PLCB1: variants seen among roughly 807,000 people sequenced by gnomAD.
The protein encoded by PLCB1 is 1-phosphatidylinositol 4,5-bisphosphate phosphodiesterase beta-1.
A neutral mutation model predicts 161.8 loss-of-function variants in PLCB1; 46 were observed. The ratio of observed to expected loss-of-function variants is 0.28; its 90% CI spans 0.22 to 0.36. The LOEUF (loss-of-function observed/expected upper bound fraction) is 0.36. Among genes scored for constraint, PLCB1 ranks in the 10% least tolerant of loss-of-function variants. The pLI is 1.00. For synonymous variants in PLCB1, 517 were observed against 503.7 expected (o/e 1.03, Z -0.35); for missense variants, 1,016 against 1,472.5 (o/e 0.69, Z 5.07).
At position 8,498,189 on chromosome 20, in the gene PLCB1, C is replaced by T. The variant is rs528529080; in HGVS notation, c.246+126739C>T. ...CTCAGCTCACTGCAATCGCTGCCTC[C>T]CAGGATAAAGTGATTCACCTGCCCT... is the stretch of plus-strand genomic sequence containing the variant. On this transcript the variant is annotated intron_variant, in intron 3 of 31. Transcript: ENST00000338037. 2.6e-5 allele frequency among the ~76,000 whole-genome samples: 4 copies of T among 152,272 alleles called. No homozygotes were observed. The East Asian group carries it at 7.7e-4, about 29-fold the overall frequency.
intron 1 of PLCB1, among the ~76,000 whole-genome samples, chr20:8,139,092 T>G (rs917484280): frequency 7.7e-6 from 1 of 130,022 alleles, no homozygotes; most frequent in Non-Finnish European, 1.6e-5. Context: ...TTTTTTTTTT[T>G]TTTTTTTTTT....
intron 4 of PLCB1, 77 bp from the exon 5 acceptor site, chr20:8,646,025 T>C (rs1989159487): frequency 5.0e-6 from 5 of 992,886 alleles, no homozygotes; most frequent in Non-Finnish European, 8.1e-6. Context: ...TGTGTCTTCC[T>C]GGAAGCCAAG....
At chr20:8,632,035 CTTTTTTTTTTTTTTTTTTT>C (rs34028351) in intron 4 of PLCB1, among the ~76,000 whole-genome samples, 3 of 45,984 alleles carry the variant, frequency 6.5e-5, no homozygotes, top group African/African-American at 1.0e-4. Context: ...GTTTTTTTTG[CTTTTTTTTTTTTTTTTTTT>C]TTTTTTTTTT....
intron 3 of PLCB1, among the ~76,000 whole-genome samples, chr20:8,391,331 T>G (rs1262358482): frequency 6.6e-6 from 1 of 152,196 alleles, no homozygotes; most frequent in African/African-American, 2.4e-5. Flanking sequence ...ACAGCAATAT[T>G]GTTGTACTAA....
intron 3 of PLCB1, among the ~76,000 whole-genome samples, chr20:8,417,235 C>T (rs1259476564): frequency 1.3e-5 from 2 of 150,394 alleles, no homozygotes; most frequent in Non-Finnish European, 3.0e-5. Context: ...TACAGGCGCC[C>T]ACCACCATGC....
At chr20:8,152,930 A>G (rs6055576) in intron 2 of PLCB1, among the ~76,000 whole-genome samples, 4,441 of 152,104 alleles carry the variant, frequency 0.029, 200 homozygotes, top group African/African-American at 0.099. Context: ...ACATTTTATG[A>G]TGTTCTATGC....
chr20:8,456,907 C>T lies in PLCB1; in HGVS notation c.246+85457C>T, dbSNP rs1981340863. On this transcript the variant is annotated intron_variant, in intron 3 of 31. Coordinates refer to ENST00000338037, the MANE Select transcript of PLCB1 (RefSeq NM_015192.4). ...AGGGAGGGCATCACCCTCAGGACCTCATGACTTCCCCAAGGCTCCATGTCT... is the reference window on the plus strand; with the variant it reads ...AGGGAGGGCATCACCCTCAGGACCTTATGACTTCCCCAAGGCTCCATGTCT... Among the ~76,000 whole-genome samples the T allele has an allele frequency of 2.0e-5, 3 of 152,120 alleles. No individual in the cohort carries two copies. In the South Asian group the frequency reaches 6.2e-4, roughly 32 times the overall value.
intron 3 of PLCB1, among the ~76,000 whole-genome samples, chr20:8,410,206 CTT>C (rs1366900808): frequency 6.6e-6 from 1 of 152,000 alleles, no homozygotes; most frequent in Non-Finnish European, 1.5e-5. Flanking sequence ...AATTGACAGT[CTT>C]TTGTATAGTT....
chr20:8,692,002 A>G (rs1047746047), intron 10 of PLCB1, among the ~76,000 whole-genome samples: 11 of 152,186 alleles, frequency 7.2e-5, no homozygotes, highest in Admixed American at 2.0e-4. Flanking sequence ...GCACCTCTTC[A>G]TAAACCTTCC....
At chr20:8,757,203 C>A in intron 24 of PLCB1, 25 bp downstream of exon 24, 1 of 1,589,570 alleles carries the variant, frequency 6.3e-7, no homozygotes, top group Admixed American at 1.8e-5. Flanking sequence ...AAGAGCTGGA[C>A]AACATGAGCA....
chr20:8,399,407 C>T (rs75506080), intron 3 of PLCB1, among the ~76,000 whole-genome samples: 1,919 of 152,086 alleles, frequency 0.013, 41 homozygotes, highest in African/African-American at 0.043. Context: ...AAATACTTAC[C>T]TTTTTCATAT....
At chr20:8,234,919 A>T (rs1980242030) in intron 2 of PLCB1, among the ~76,000 whole-genome samples, 2 of 152,092 alleles carry the variant, frequency 1.3e-5, no homozygotes, top group African/African-American at 4.8e-5. Context: ...TATTATGTTT[A>T]GAATGTGTAT....
chr20:8,607,793 T>G (rs1249232271), intron 3 of PLCB1, among the ~76,000 whole-genome samples: 1 of 152,224 alleles, frequency 6.6e-6, no homozygotes, highest in Non-Finnish European at 1.5e-5. Flanking sequence ...AAATATGTAT[T>G]GCATGAATGA....
At chr20:8,645,113 A>G (rs566685117) in intron 4 of PLCB1, among the ~76,000 whole-genome samples, 54 of 151,652 alleles carry the variant, frequency 3.6e-4, no homozygotes, top group African/African-American at 5.3e-4. Flanking sequence ...CAGATGCTTG[A>G]AGGCAGCATG....
intron 2 of PLCB1, among the ~76,000 whole-genome samples, chr20:8,230,997 C>G: frequency 6.6e-6 from 1 of 152,018 alleles, no homozygotes; most frequent in Non-Finnish European, 1.5e-5. Flanking sequence ...TTACCTTGAC[C>G]ACTATTTTTC....
intron 3 of PLCB1, among the ~76,000 whole-genome samples, chr20:8,380,363 T>C (rs150229534): frequency 6.6e-6 from 1 of 152,226 alleles, no homozygotes; most frequent in African/African-American, 2.4e-5. Flanking sequence ...TGTAGTATAG[T>C]TTGAAGTCAG....
intron 2 of PLCB1, among the ~76,000 whole-genome samples, chr20:8,368,528 CA>C (rs1216338206): frequency 3.4e-3 from 216 of 63,816 alleles, no homozygotes; most frequent in East Asian, 0.013. Context: ...CTCTGTCTCT[CA>C]AAAAAAAAAA....
At chr20:8,628,462 C>T (rs758858219) in intron 4 of PLCB1, 31 bp downstream of exon 4, 2 of 1,611,198 alleles carry the variant, frequency 1.2e-6, no homozygotes, top group Non-Finnish European at 1.7e-6. Context: ...TAAAGCTTAT[C>T]ATCATGATCT....
At chr20:8,716,032 T>C (rs1979290939) in intron 12 of PLCB1, 7 of 499,260 alleles carry the variant, frequency 1.4e-5, no homozygotes, top group Non-Finnish European at 2.5e-5. Context: ...CACCTATGTC[T>C]ATGCAGGTCT....
Sources: gnomAD v4.1 joint callset for allele counts (sites outside exome capture counted in the v4.1 genomes callset) on GRCh38, gnomAD v4.1.1 for gene constraint, MANE v1.5 for transcripts, NCBI Gene and HGNC (gene_info 2026-07-23, HGNC 2026-07-21) for gene names.